Variants in CCDC178 observed in about 807,000 individuals in gnomAD.
CCDC178 encodes the protein coiled-coil domain-containing protein 178.
Under a neutral mutation model 117.4 loss-of-function variants are expected in CCDC178, and 126 were observed. The observed-to-expected ratio is 1.07, with a 90% CI of 0.93 to 1.24. CCDC178 has a LOEUF of 1.24. Among genes scored for constraint, CCDC178 ranks in the 50% most tolerant of loss-of-function variants. The pLI, the probability that CCDC178 is intolerant of heterozygous loss-of-function variation, is 0.00. For missense variants in CCDC178, 1,030 were observed against 986.9 expected (o/e 1.04, Z -0.59); for synonymous variants, 283 against 313.4 (o/e 0.90, Z 1.02).
chr18:33,379,890 G>A (rs1417454856), intron 5 of CCDC178, among the ~76,000 whole-genome samples: 2 of 152,136 alleles, frequency 1.3e-5, no homozygotes, highest in Admixed American at 6.5e-5. Flanking sequence ...TGCATGGGAA[G>A]GGTAGTACAA....
rs573619097 is a variant in CCDC178 at position 33,417,744 on chromosome 18, A to G, written c.-22-5634T>C. Among the ~76,000 whole-genome samples the G allele has an allele frequency of 2.6e-5, 4 of 152,302 alleles. No individual in the cohort carries two copies. In the South Asian group the frequency reaches 8.3e-4, roughly 32 times the overall value. ...CCTGTGTATTTCTAAGCAATTTCCT[A>G]TAAAACTATAATTATTTCAAAATAA... On this transcript the variant is annotated intron_variant, in intron 2 of 22. Coordinates refer to ENST00000383096, the MANE Select transcript of CCDC178 (RefSeq NM_001105528.4).
chr18:33,363,227 G>A (rs763589853), intron 6 of CCDC178, among the ~76,000 whole-genome samples: 1 of 151,912 alleles, frequency 6.6e-6, no homozygotes, highest in Non-Finnish European at 1.5e-5. Context: ...GGGCTTTTGG[G>A]GCATGGAAGT....
intron 11 of CCDC178, among the ~76,000 whole-genome samples, chr18:33,293,535 C>T (rs1396138854): frequency 2.6e-5 from 4 of 151,772 alleles, no homozygotes; most frequent in Non-Finnish European, 5.9e-5. Flanking sequence ...CATGGTGGCA[C>T]ATGCCTGTAG....
intron 21 of CCDC178, among the ~76,000 whole-genome samples, chr18:33,047,106 T>C (rs1416479707): frequency 6.6e-6 from 1 of 152,200 alleles, no homozygotes; most frequent in Non-Finnish European, 1.5e-5. Flanking sequence ...TACACACAAC[T>C]GTCTCCTGTG....
At chr18:33,113,192 A>C (rs2057807278) in intron 20 of CCDC178, among the ~76,000 whole-genome samples, 1 of 152,096 alleles carries the variant, frequency 6.6e-6, no homozygotes, top group African/African-American at 2.4e-5. Flanking sequence ...AGTTTTCTTG[A>C]ATAGTAAAAC....
chr18:33,242,235 C>G (rs1233800854), intron 15 of CCDC178, among the ~76,000 whole-genome samples: 2 of 151,648 alleles, frequency 1.3e-5, no homozygotes, highest in Non-Finnish European at 3.0e-5. Flanking sequence ...AAACTAGACC[C>G]TCTATACAAA....
chr18:33,217,947 G>T (rs1255656431), intron 18 of CCDC178, among the ~76,000 whole-genome samples: 3 of 151,968 alleles, frequency 2.0e-5, no homozygotes, highest in Admixed American at 6.6e-5. Flanking sequence ...TAAGATAGAG[G>T]TAATAGCACA....
intron 2 of CCDC178, among the ~76,000 whole-genome samples, chr18:33,415,557 G>C (rs184674167): frequency 6.6e-6 from 1 of 151,968 alleles, no homozygotes; most frequent in Admixed American, 6.6e-5. Context: ...GTCGTGGGGT[G>C]GGGGGATGGG....
intron 21 of CCDC178, among the ~76,000 whole-genome samples, chr18:33,038,528 A>T (rs2056486724): frequency 1.3e-5 from 2 of 151,974 alleles, no homozygotes; most frequent in Non-Finnish European, 1.5e-5. Flanking sequence ...AGGAATTCCA[A>T]GTGACCTCCT....
chr18:33,302,904 C>T (rs983907407), intron 11 of CCDC178, among the ~76,000 whole-genome samples: 2 of 151,960 alleles, frequency 1.3e-5, no homozygotes, highest in African/African-American at 4.8e-5. Flanking sequence ...TCAAAGGATA[C>T]ACAATTACAG....
At chr18:33,350,862 CTA>C (rs547196011) in intron 7 of CCDC178, among the ~76,000 whole-genome samples, 33 of 152,054 alleles carry the variant, frequency 2.2e-4, no homozygotes, top group Admixed American at 8.5e-4. Flanking sequence ...TTCTCGGTAT[CTA>C]AACTATTTTA....
At chr18:33,085,287 G>T (rs1334357914) in intron 21 of CCDC178, among the ~76,000 whole-genome samples, 1 of 152,214 alleles carries the variant, frequency 6.6e-6, no homozygotes, top group Non-Finnish European at 1.5e-5. Context: ...TTTGGGGCCG[G>T]GTACGGTGGC....
rs193027554 is a variant in CCDC178 at position 32,979,914 on chromosome 18, A to G, written c.2389-5233T>C. Among the ~76,000 whole-genome samples, 8 of 152,358 alleles carry G rather than the reference A, an allele frequency of 5.3e-5. No homozygotes were observed. The East Asian group carries it at 1.3e-3, about 26-fold the overall frequency. On this transcript the variant is annotated intron_variant, in intron 21 of 22. Coordinates refer to ENST00000383096, the MANE Select transcript of CCDC178 (RefSeq NM_001105528.4). Reference sequence around the variant, plus strand: ...AGAGCTGAGTAACAGACACATGCATATAAAATGTAACATATGACAGAGATA... The same window carrying G: ...AGAGCTGAGTAACAGACACATGCATGTAAAATGTAACATATGACAGAGATA...
At chr18:32,977,834 C>T (rs1198049639) in intron 21 of CCDC178, among the ~76,000 whole-genome samples, 1 of 152,074 alleles carries the variant, frequency 6.6e-6, no homozygotes, top group Admixed American at 6.6e-5. Context: ...GGAACTACAC[C>T]TATGAACAAA....
At chr18:33,281,923 T>C (rs931183143) in intron 12 of CCDC178, among the ~76,000 whole-genome samples, 4 of 152,212 alleles carry the variant, frequency 2.6e-5, no homozygotes, top group African/African-American at 9.7e-5. Context: ...GACAAGGGTT[T>C]AAGAAACTGT....
chr18:33,182,835 C>A (rs1346712089), intron 20 of CCDC178, among the ~76,000 whole-genome samples: 1 of 151,810 alleles, frequency 6.6e-6, no homozygotes, highest in African/African-American at 2.4e-5. Context: ...AAATATATCC[C>A]AATGTCTCTT....
chr18:33,250,988 C>T (rs1315432254), intron 14 of CCDC178, among the ~76,000 whole-genome samples: 1 of 151,256 alleles, frequency 6.6e-6, no homozygotes, highest in Non-Finnish European at 1.5e-5. Flanking sequence ...AATAAGAAAA[C>T]AATAAAAAAA....
chr18:32,973,325 TTAAA>T (rs1366812308), intron 22 of CCDC178, among the ~76,000 whole-genome samples: 1 of 152,132 alleles, frequency 6.6e-6, no homozygotes, highest in Non-Finnish European at 1.5e-5. Flanking sequence ...CAGATTACTT[TTAAA>T]TATTTAAAAG....
chr18:33,055,499 G>A (rs866318635), intron 21 of CCDC178, among the ~76,000 whole-genome samples: 6 of 151,950 alleles, frequency 3.9e-5, no homozygotes, highest in South Asian at 2.1e-4. Context: ...ACCATGCCCC[G>A]CTAATTTTTT....
Sources: gnomAD v4.1 joint callset for allele counts (sites outside exome capture counted in the v4.1 genomes callset) on GRCh38, gnomAD v4.1.1 for gene constraint, MANE v1.5 for transcripts, NCBI Gene and HGNC (gene_info 2026-07-23, HGNC 2026-07-21) for gene names.